RBFOX1: variants seen among roughly 807,000 people sequenced by gnomAD.
RBFOX1 encodes RNA binding protein fox-1 homolog 1.
In RBFOX1, 8 loss-of-function variants were observed where a neutral mutation model predicts 57.7. That is an observed-to-expected ratio of 0.14 (90% CI 0.08 to 0.25). The LOEUF is 0.25. Ranked by LOEUF, RBFOX1 falls within the 10% of genes least tolerant of loss-of-function variation. The pLI, the probability that RBFOX1 is intolerant of heterozygous loss-of-function variation, is 1.00. For missense variants in RBFOX1, 611 were observed against 548.5 expected (o/e 1.11, Z -1.14); for synonymous variants, 326 against 222.4 (o/e 1.47, Z -4.15).
chr16:6,800,631 T>C (rs1443902609), intron 3 of RBFOX1, among the ~76,000 whole-genome samples: 1 of 152,156 alleles, frequency 6.6e-6, no homozygotes, highest in Non-Finnish European at 1.5e-5. Flanking sequence ...ATTTTTTAAT[T>C]CTTTGCAATT....
chr16:6,843,604 G>A (rs2093607552), intron 3 of RBFOX1, among the ~76,000 whole-genome samples: 2 of 152,166 alleles, frequency 1.3e-5, no homozygotes, highest in Admixed American at 6.5e-5. Flanking sequence ...CAGGAGAATG[G>A]CATGAACCCA....
At chr16:6,627,439 C>T (rs113478961) in intron 2 of RBFOX1, among the ~76,000 whole-genome samples, 29 of 152,096 alleles carry the variant, frequency 1.9e-4, no homozygotes, top group African/African-American at 6.5e-4. Flanking sequence ...GAAAAGTTAC[C>T]CATCAGAAAA....
chr16:7,636,846 A>G (rs1328668435), intron 11 of RBFOX1, among the ~76,000 whole-genome samples: 1 of 120,484 alleles, frequency 8.3e-6, no homozygotes, highest in African/African-American at 2.8e-5. Flanking sequence ...AGAGAGAAAC[A>G]GAGAGAGAGA....
chr16:5,623,854 A>G (rs2048270242), intron 3 of RBFOX1, among the ~76,000 whole-genome samples: 1 of 152,174 alleles, frequency 6.6e-6, no homozygotes, highest in African/African-American at 2.4e-5. Flanking sequence ...CTCTATTGAG[A>G]TATCATTCAT....
intron 3 of RBFOX1, among the ~76,000 whole-genome samples, chr16:6,706,786 C>A (rs554194974): frequency 3.4e-4 from 50 of 148,126 alleles, no homozygotes; most frequent in African/African-American, 1.2e-3. Context: ...CTGACATATT[C>A]TTAGGAATAA....
At chr16:5,555,762 C>G (rs948969313) in intron 2 of RBFOX1, among the ~76,000 whole-genome samples, 3 of 151,930 alleles carry the variant, frequency 2.0e-5, no homozygotes, top group African/African-American at 7.2e-5. Context: ...TGGCTCATGC[C>G]TGTAATCCCA....
At chr16:6,742,238 C>T (rs768256432) in intron 3 of RBFOX1, among the ~76,000 whole-genome samples, 4 of 152,032 alleles carry the variant, frequency 2.6e-5, no homozygotes, top group East Asian at 1.9e-4. Flanking sequence ...GGAAAGAATT[C>T]GGCATTACTA....
intron 2 of RBFOX1, among the ~76,000 whole-genome samples, chr16:6,602,899 T>C (rs1292266389): frequency 2.0e-5 from 3 of 152,168 alleles, no homozygotes; most frequent in Non-Finnish European, 4.4e-5. Flanking sequence ...TTAAGACTCT[T>C]TCCCAAATCC....
rs1337894484 is a variant in RBFOX1 at position 6,779,937 on chromosome 16, TTA to T, written c.-16+125295_-16+125296del. Reference sequence around the variant, plus strand: ...TATATTTATATATATTTATATATATTTATATATATTTATATATTTATATATTT... The same window carrying T: ...TATATTTATATATATTTATATATATTTATATATTTATATATTTATATATTT... On this transcript the variant is annotated intron_variant, in intron 3 of 15. Coordinates refer to ENST00000550418, the MANE Select transcript of RBFOX1 (RefSeq NM_018723.4). 3.8e-3 allele frequency among the ~76,000 whole-genome samples: 44 copies of T among 11,524 alleles called. 3 individuals carry two copies. The highest frequency in any genetic ancestry group is 0.013 in the Admixed American group (8 of 600). 7.6% of individuals were successfully genotyped at this position (11,524 alleles called of 152,430 possible).
intron 4 of RBFOX1, among the ~76,000 whole-genome samples, chr16:7,121,217 C>T (rs2067107439): frequency 6.6e-6 from 1 of 151,956 alleles, no homozygotes; most frequent in African/African-American, 2.4e-5. Flanking sequence ...GGGAGGAGCT[C>T]CACTCTCACC....
chr16:6,626,450 C>T (rs1422029255), intron 2 of RBFOX1, among the ~76,000 whole-genome samples: 1 of 152,146 alleles, frequency 6.6e-6, no homozygotes, highest in Non-Finnish European at 1.5e-5. Context: ...GATACACACA[C>T]TCAACAGGGA....
At chr16:6,383,637 G>A (rs1051538874) in intron 2 of RBFOX1, among the ~76,000 whole-genome samples, 7 of 152,110 alleles carry the variant, frequency 4.6e-5, no homozygotes, top group African/African-American at 1.2e-4. Flanking sequence ...GCCGCGTATG[G>A]TGTGTGCCTA....
At chr16:7,386,837 C>G (rs112502085) in intron 4 of RBFOX1, among the ~76,000 whole-genome samples, 6,510 of 152,216 alleles carry the variant, frequency 0.043, 488 homozygotes, top group African/African-American at 0.15. Flanking sequence ...AATTTACACT[C>G]CTACCAACAG....
chr16:6,390,100 C>T (rs535583525), intron 2 of RBFOX1, among the ~76,000 whole-genome samples: 1 of 152,324 alleles, frequency 6.6e-6, no homozygotes, highest in East Asian at 1.9e-4. Flanking sequence ...GCCGTGTCTG[C>T]ACTGTTGTTT....
At chr16:6,830,729 G>A (rs2092646704) in intron 3 of RBFOX1, among the ~76,000 whole-genome samples, 2 of 152,146 alleles carry the variant, frequency 1.3e-5, no homozygotes, top group Admixed American at 1.3e-4. Context: ...TTAAAATATG[G>A]TTCTCTACTC....
Position 7,021,121 on chromosome 16 carries a change from C to T in RBFOX1, c.-15-30936C>T, listed in dbSNP as rs183331235. On this transcript the variant is annotated intron_variant, in intron 3 of 15. Coordinates refer to ENST00000550418, the MANE Select transcript of RBFOX1 (RefSeq NM_018723.4). ...CCAGCATGAGTGAGAGAGCAAGACTCTTTTTCAAAAAAATTGTTTTTTGTT... is the reference window on the plus strand; with the variant it reads ...CCAGCATGAGTGAGAGAGCAAGACTTTTTTTCAAAAAAATTGTTTTTTGTT... Among the ~76,000 whole-genome samples, 327 of 152,032 alleles carry T rather than the reference C, an allele frequency of 2.2e-3. 2 individuals carry two copies. The highest frequency in any genetic ancestry group is 7.5e-3 in the African/African-American group (313 of 41,516).
intron 1 of RBFOX1, among the ~76,000 whole-genome samples, chr16:6,128,174 A>C (rs1460397727): frequency 6.6e-6 from 1 of 152,344 alleles, no homozygotes; most frequent in East Asian, 1.9e-4. Context: ...TTTTGTATCA[A>C]TTATTCAATA....
At chr16:7,650,962 C>T (rs765715368) in intron 11 of RBFOX1, among the ~76,000 whole-genome samples, 3 of 152,168 alleles carry the variant, frequency 2.0e-5, no homozygotes, top group Non-Finnish European at 4.4e-5. Context: ...CCCCACACGT[C>T]TCTGCGGTTT....
At chr16:7,062,735 A>C (rs1433696146) in intron 4 of RBFOX1, among the ~76,000 whole-genome samples, 6 of 152,018 alleles carry the variant, frequency 3.9e-5, no homozygotes, top group African/African-American at 1.4e-4. Context: ...GAAAACCTGG[A>C]GTTCATTCAT....
Sources: gnomAD v4.1 joint callset for allele counts (sites outside exome capture counted in the v4.1 genomes callset) on GRCh38, gnomAD v4.1.1 for gene constraint, MANE v1.5 for transcripts, NCBI Gene and HGNC (gene_info 2026-07-23, HGNC 2026-07-21) for gene names.